TBCK: variants seen among roughly 807,000 people sequenced by gnomAD.
The protein encoded by TBCK is TBC1 domain containing kinase, also known as TBC domain-containing protein kinase-like protein.
In TBCK, 99 loss-of-function variants were observed where a neutral mutation model predicts 113.4. The observed-to-expected ratio is 0.87, with a 90% CI of 0.74 to 1.03. The LOEUF is 1.03. Ranked by LOEUF, TBCK falls within the 50% of genes least tolerant of loss-of-function variation. The pLI, the probability that TBCK is intolerant of heterozygous loss-of-function variation, is 0.00. For synonymous variants in TBCK, 369 were observed against 370.8 expected, an observed-to-expected ratio of 1.00 and a Z score of 0.05; for missense variants, 1,045 against 1,061.3, an observed-to-expected ratio of 0.98 and a Z score of 0.21.
chr4:106,118,581 AT>A (rs1407810935), intron 23 of TBCK, among the ~76,000 whole-genome samples: 1 of 152,136 alleles, frequency 6.6e-6, no homozygotes, highest in Non-Finnish European at 1.5e-5. Context: ...CTCTACAGGT[AT>A]TTTTTCCAGC....
chr4:106,204,394 G>A (rs1755216631), intron 20 of TBCK, among the ~76,000 whole-genome samples: 1 of 152,014 alleles, frequency 6.6e-6, no homozygotes, highest in Admixed American at 6.6e-5. Flanking sequence ...GTCCCTTCGG[G>A]GTCCACCAAT....
intron 3 of TBCK, among the ~76,000 whole-genome samples, chr4:106,289,346 T>A (rs760925946): frequency 1.3e-5 from 2 of 152,232 alleles, no homozygotes; most frequent in Non-Finnish European, 2.9e-5. Context: ...TAATTTAGCC[T>A]TTTTTATAGC....
At chr4:106,227,026 T>C (rs990702961) in intron 19 of TBCK, among the ~76,000 whole-genome samples, 1 of 152,116 alleles carries the variant, frequency 6.6e-6, no homozygotes, top group Non-Finnish European at 1.5e-5. Flanking sequence ...CACTCCTCCT[T>C]AATTAGAAAA....
At chr4:106,090,368 A>G (rs1398144102) in intron 25 of TBCK, among the ~76,000 whole-genome samples, 1 of 152,142 alleles carries the variant, frequency 6.6e-6, no homozygotes, top group African/African-American at 2.4e-5. Context: ...CACTGAAACC[A>G]TTCTTCTTCC....
intron 18 of TBCK, 123 bp downstream of exon 18, chr4:106,231,606 T>A: frequency 2.5e-6 from 2 of 800,930 alleles, no homozygotes; most frequent in Non-Finnish European, 3.9e-6. Flanking sequence ...TAATAGATTA[T>A]TTCACAGAAA....
intron 22 of TBCK, among the ~76,000 whole-genome samples, chr4:106,191,625 G>A (rs1753676436): frequency 6.6e-6 from 1 of 152,126 alleles, no homozygotes; most frequent in Admixed American, 6.5e-5. Flanking sequence ...TGAGATGTTA[G>A]GAGCAGGGAT....
At chr4:106,103,030 T>A (rs1369032622) in intron 24 of TBCK, among the ~76,000 whole-genome samples, 1 of 152,202 alleles carries the variant, frequency 6.6e-6, no homozygotes, top group Non-Finnish European at 1.5e-5. Flanking sequence ...TTAAAAATAT[T>A]ATTAAAATTT....
At chr4:106,183,024 T>C (rs1176837111) in intron 22 of TBCK, among the ~76,000 whole-genome samples, 4 of 152,050 alleles carry the variant, frequency 2.6e-5, no homozygotes, top group African/African-American at 9.7e-5. Flanking sequence ...TAGAATGTTA[T>C]TACTTAAGAG....
In TBCK at chr4:106,217,393, A is replaced by C. The variant is rs561280983; in HGVS notation, c.1775-4558T>G. 2.0e-5 allele frequency among the ~76,000 whole-genome samples: 3 copies of C among 152,288 alleles called. No homozygotes were observed. The East Asian group carries it at 5.8e-4, about 29-fold the overall frequency. On this transcript the variant is annotated intron_variant, in intron 19 of 25. Transcript: ENST00000394708. ...GGCAATTAGGCAGGAGAAGGAAATAAAGGGCATTCAGTTAGGAAAAGAGGA... is the reference window on the plus strand; with the variant it reads ...GGCAATTAGGCAGGAGAAGGAAATACAGGGCATTCAGTTAGGAAAAGAGGA...
chr4:106,257,831 G>C (rs1047702133), intron 5 of TBCK, among the ~76,000 whole-genome samples: 1 of 151,922 alleles, frequency 6.6e-6, no homozygotes, highest in Non-Finnish European at 1.5e-5. Flanking sequence ...TCACAAAGCT[G>C]TTATAAATAT....
At chr4:106,198,386 G>T (rs2149831688) in intron 20 of TBCK, among the ~76,000 whole-genome samples, 1 of 152,012 alleles carries the variant, frequency 6.6e-6, no homozygotes, top group Non-Finnish European at 1.5e-5. Flanking sequence ...AAATTTCTTT[G>T]CACCTTACTA....
At chr4:106,073,399 CCT>C (rs894327100) in intron 25 of TBCK, among the ~76,000 whole-genome samples, 3 of 152,144 alleles carry the variant, frequency 2.0e-5, no homozygotes, top group African/African-American at 7.2e-5. Context: ...CACTCCAGAC[CCT>C]GTTTGCCTGG....
chr4:106,101,499 T>C (rs1741547413), intron 24 of TBCK, among the ~76,000 whole-genome samples: 1 of 152,212 alleles, frequency 6.6e-6, no homozygotes, highest in South Asian at 2.1e-4. Context: ...GAAGTTTTTA[T>C]AAATCAATTA....
intron 22 of TBCK, 107 bp downstream of exon 22, chr4:106,193,502 G>C: frequency 8.7e-7 from 1 of 1,153,054 alleles, no homozygotes; most frequent in Non-Finnish European, 1.3e-6. Flanking sequence ...GGCCCAAACA[G>C]AAGAGATGCT....
chr4:106,279,101 T>C (rs1259239740), intron 3 of TBCK, among the ~76,000 whole-genome samples: 1 of 152,142 alleles, frequency 6.6e-6, no homozygotes, highest in African/African-American at 2.4e-5. Flanking sequence ...ATACCTTTTA[T>C]GGATATAGAC....
chr4:106,050,020 G>C (rs1334550088), intron 25 of TBCK, among the ~76,000 whole-genome samples: 1 of 151,990 alleles, frequency 6.6e-6, no homozygotes, highest in East Asian at 1.9e-4. Context: ...TATGTGGAGA[G>C]CAAGTCACTT....
chr4:106,215,370 A>T (rs921871501), intron 19 of TBCK, among the ~76,000 whole-genome samples: 1 of 152,162 alleles, frequency 6.6e-6, no homozygotes, highest in East Asian at 1.9e-4. Context: ...TAACACGATT[A>T]ACTTTAAATG....
At chr4:106,293,523 A>G (rs1765943997) in intron 3 of TBCK, among the ~76,000 whole-genome samples, 1 of 152,102 alleles carries the variant, frequency 6.6e-6, no homozygotes, top group African/African-American at 2.4e-5. Context: ...ATCATCCCAA[A>G]ATCATCCCTC....
chr4:106,117,736 G>A (rs918775003), intron 23 of TBCK, among the ~76,000 whole-genome samples: 9 of 152,100 alleles, frequency 5.9e-5, no homozygotes, highest in Admixed American at 1.3e-4. Context: ...TAGGCTGGGC[G>A]CGGTGGCTCA....
Sources: gnomAD v4.1 joint callset for allele counts (sites outside exome capture counted in the v4.1 genomes callset) on GRCh38, gnomAD v4.1.1 for gene constraint, MANE v1.5 for transcripts, NCBI Gene and HGNC (gene_info 2026-07-23, HGNC 2026-07-21) for gene names.